The following DEPDC1B variants were observed in gnomAD, a reference collection of about 807,000 sequenced individuals.
DEPDC1B encodes the protein DEP domain containing 1B.
Under a neutral mutation model 66.5 loss-of-function variants are expected in DEPDC1B, and 51 were observed. That is an observed-to-expected ratio of 0.77 (90% confidence interval 0.61 to 0.97). The LOEUF (loss-of-function observed/expected upper bound fraction) is 0.97. DEPDC1B is among the 50% of genes least tolerant of loss of function. The probability of loss-of-function intolerance (pLI) is 0.00; values close to 1 mark genes in which losing one functional copy is unlikely to be tolerated. For synonymous variants in DEPDC1B, 226 were observed against 223.6 expected, an observed-to-expected ratio of 1.01 and a Z score of -0.10; for missense variants, 552 against 637.1, an observed-to-expected ratio of 0.87 and a Z score of 1.44.
At position 60,597,194 on chromosome 5, in the gene DEPDC1B, C is replaced by T. The variant is rs879652070; in HGVS notation, c.*559G>A. On this transcript the variant is annotated 3_prime_UTR_variant, in exon 11 of 11. Coordinates refer to ENST00000265036, the MANE Select transcript of DEPDC1B (RefSeq NM_018369.3). Reference sequence around the variant, plus strand: ...CTAGCTTTAGTAAAATCTGTCATAACATCCAATAAATCTGCAATAAAAGAC... The same window carrying T: ...CTAGCTTTAGTAAAATCTGTCATAATATCCAATAAATCTGCAATAAAAGAC... 2 of 152,518 alleles carry T rather than the reference C, an allele frequency of 1.3e-5. No individual in the cohort carries two copies. The highest frequency in any genetic ancestry group is 3.8e-4 in the East Asian group (2 of 5,198). 9.4% of individuals were successfully genotyped at this position (152,518 alleles called of 1,614,324 possible).
At chr5:60,619,733 C>G (rs1752656672) in intron 7 of DEPDC1B, among the ~76,000 whole-genome samples, 1 of 152,164 alleles carries the variant, frequency 6.6e-6, no homozygotes, top group Non-Finnish European at 1.5e-5. Flanking sequence ...TTTATAGATT[C>G]AATGCCATCC....
chr5:60,670,560 C>A (rs1183376243), intron 2 of DEPDC1B, among the ~76,000 whole-genome samples: 1 of 152,088 alleles, frequency 6.6e-6, no homozygotes, highest in East Asian at 1.9e-4. Context: ...ATAACCCAAA[C>A]AATCTTGAAA....
At chr5:60,660,612 A>T (rs1268008628) in intron 2 of DEPDC1B, among the ~76,000 whole-genome samples, 1 of 152,188 alleles carries the variant, frequency 6.6e-6, no homozygotes, top group Non-Finnish European at 1.5e-5. Context: ...AGAAGAAAGT[A>T]AAAAAATAAC....
At chr5:60,682,760 T>C (rs1055399145) in intron 2 of DEPDC1B, among the ~76,000 whole-genome samples, 14 of 152,088 alleles carry the variant, frequency 9.2e-5, no homozygotes, top group African/African-American at 2.7e-4. Context: ...AAATCTGTAA[T>C]AGATCAATAA....
intron 2 of DEPDC1B, among the ~76,000 whole-genome samples, chr5:60,656,286 G>A (rs1305066658): frequency 1.3e-5 from 2 of 150,692 alleles, no homozygotes. Context: ...TCAGCCTCCC[G>A]AGTAGCTGAG....
At chr5:60,644,978 T>C in intron 4 of DEPDC1B, 103 bp from the exon 5 acceptor site, 4 of 851,464 alleles carry the variant, frequency 4.7e-6, no homozygotes, top group South Asian at 5.4e-5. Flanking sequence ...TTTATTTTCA[T>C]GCATTGCACC....
intron 3 of DEPDC1B, among the ~76,000 whole-genome samples, chr5:60,646,585 A>G (rs1162784491): frequency 6.6e-6 from 1 of 152,232 alleles, no homozygotes; most frequent in Non-Finnish European, 1.5e-5. Flanking sequence ...AAAAAAATGG[A>G]TGGTTGCATC....
At chr5:60,603,016 T>C (rs903624193) in intron 9 of DEPDC1B, among the ~76,000 whole-genome samples, 3 of 152,224 alleles carry the variant, frequency 2.0e-5, no homozygotes, top group Non-Finnish European at 4.4e-5. Context: ...TTTAAGTTCT[T>C]TGTGCCTTAG....
intron 7 of DEPDC1B, among the ~76,000 whole-genome samples, chr5:60,618,360 G>A (rs879116789): frequency 2.9e-4 from 44 of 152,082 alleles, no homozygotes; most frequent in Non-Finnish European, 5.7e-4. Flanking sequence ...CTGGTTTCTT[G>A]AAAAGATCAA....
chr5:60,601,147 C>T (rs576285483), intron 9 of DEPDC1B, among the ~76,000 whole-genome samples: 299 of 152,322 alleles, frequency 2.0e-3, no homozygotes, highest in African/African-American at 7.0e-3. Flanking sequence ...GTCAATGAAA[C>T]CTCTTTCCTT....
intron 10 of DEPDC1B, among the ~76,000 whole-genome samples, chr5:60,598,709 TCCATCTGA>T (rs1418294306): frequency 6.6e-6 from 1 of 152,194 alleles, no homozygotes; most frequent in African/African-American, 2.4e-5. Context: ...ACCTGTGAAT[TCCATCTGA>T]TTTGCCTTTT....
At chr5:60,698,781 T>C (rs1754711467) in intron 1 of DEPDC1B, among the ~76,000 whole-genome samples, 1 of 151,864 alleles carries the variant, frequency 6.6e-6, no homozygotes, top group African/African-American at 2.4e-5. Context: ...TTCTCCTGCC[T>C]CAGCCTCCTG....
intron 1 of DEPDC1B, among the ~76,000 whole-genome samples, chr5:60,694,395 T>C (rs377568370): frequency 2.8e-4 from 42 of 152,324 alleles, no homozygotes; most frequent in African/African-American, 1.0e-3. Context: ...TTTACAAATA[T>C]GTTACAAGTT....
At chr5:60,635,967 A>G (rs539317466) in intron 7 of DEPDC1B, among the ~76,000 whole-genome samples, 56 of 152,216 alleles carry the variant, frequency 3.7e-4, no homozygotes, top group African/African-American at 1.3e-3. Flanking sequence ...AAGTCACTCA[A>G]TTTTCCAAAA....
chr5:60,631,104 T>C (rs1468101990), intron 7 of DEPDC1B: 1 of 152,226 alleles, frequency 6.6e-6, no homozygotes, highest in Admixed American at 6.5e-5. Context: ...AACAATTCAT[T>C]GAAGCTCAGG....
At chr5:60,695,829 C>T (rs1754640702) in intron 1 of DEPDC1B, among the ~76,000 whole-genome samples, 2 of 152,114 alleles carry the variant, frequency 1.3e-5, no homozygotes, top group African/African-American at 2.4e-5. Flanking sequence ...GACAGAGTCT[C>T]GCTCTGGTGC....
At chr5:60,659,059 T>C (rs1753645297) in intron 2 of DEPDC1B, among the ~76,000 whole-genome samples, 1 of 152,210 alleles carries the variant, frequency 6.6e-6, no homozygotes, top group Non-Finnish European at 1.5e-5. Flanking sequence ...TGAACACTAG[T>C]TGCTTGGTTC....
chr5:60,649,917 G>A (rs1052423602), intron 2 of DEPDC1B, among the ~76,000 whole-genome samples: 4 of 152,102 alleles, frequency 2.6e-5, no homozygotes, highest in African/African-American at 9.7e-5. Flanking sequence ...AAGTAGCTGG[G>A]ATTACAAGTA....
chr5:60,677,267 T>C (rs1421006277), intron 2 of DEPDC1B, among the ~76,000 whole-genome samples: 1 of 151,010 alleles, frequency 6.6e-6, no homozygotes, highest in Non-Finnish European at 1.5e-5. Context: ...GTCTTGATTC[T>C]GCTAAGTAGC....
Sources: gnomAD v4.1 joint callset for allele counts (sites outside exome capture counted in the v4.1 genomes callset) on GRCh38, gnomAD v4.1.1 for gene constraint, MANE v1.5 for transcripts, NCBI Gene and HGNC (gene_info 2026-07-23, HGNC 2026-07-21) for gene names.